Variants in TRPS1 observed in about 807,000 individuals in gnomAD.
The protein encoded by TRPS1 is zinc finger transcription factor Trps1.
TRPS1 carries 6 observed loss-of-function variants against 101.2 expected under a neutral mutation model. That is an observed-to-expected ratio of 0.06 (90% confidence interval 0.03 to 0.12). The LOEUF is 0.12. TRPS1 is among the 10% of genes least tolerant of loss of function. TRPS1 has a pLI of 1.00. For synonymous variants in TRPS1, 578 were observed against 589.8 expected (o/e 0.98, Z 0.29); for missense variants, 1,363 against 1,567.0 (o/e 0.87, Z 2.20).
chr8:115,431,954 C>A (rs1388252568), intron 5 of TRPS1, among the ~76,000 whole-genome samples: 1 of 151,634 alleles, frequency 6.6e-6, no homozygotes, highest in East Asian at 1.9e-4. Flanking sequence ...ATAGTTAATA[C>A]ACACACAAAC....
chr8:115,446,239 C>A (rs1813731717), intron 5 of TRPS1, among the ~76,000 whole-genome samples: 2 of 151,396 alleles, frequency 1.3e-5, no homozygotes, highest in African/African-American at 4.9e-5. Context: ...TTTGAAACAT[C>A]ATCTACATAA....
chr8:115,502,157 CT>C (rs1051854707), intron 5 of TRPS1, among the ~76,000 whole-genome samples: 2 of 151,984 alleles, frequency 1.3e-5, no homozygotes, highest in African/African-American at 2.4e-5. Flanking sequence ...TTTGAATCGC[CT>C]TTTTTTCTTA....
At chr8:115,550,797 A>C (rs1260843365) in intron 5 of TRPS1, among the ~76,000 whole-genome samples, 1 of 152,192 alleles carries the variant, frequency 6.6e-6, no homozygotes, top group Non-Finnish European at 1.5e-5. Flanking sequence ...AGTTTAACCA[A>C]CTTTTATTGA....
At chr8:115,519,272 A>C (rs914908470) in intron 5 of TRPS1, among the ~76,000 whole-genome samples, 10 of 151,806 alleles carry the variant, frequency 6.6e-5, no homozygotes, top group Admixed American at 2.6e-4. Context: ...CACATCCTTC[A>C]GATGAATATA....
chr8:115,558,976 G>A (rs1045438646), intron 5 of TRPS1, among the ~76,000 whole-genome samples: 1 of 152,046 alleles, frequency 6.6e-6, no homozygotes, highest in Non-Finnish European at 1.5e-5. Context: ...CAGAATACCC[G>A]TGGTTATCAG....
intron 5 of TRPS1, among the ~76,000 whole-genome samples, chr8:115,535,236 C>CATATATAGAAT (rs1816266720): frequency 8.4e-6 from 1 of 118,544 alleles, no homozygotes; most frequent in Non-Finnish European, 1.7e-5. Context: ...ATATATATAG[C>CATATATAGAAT]ATATATAGCA....
intron 4 of TRPS1, among the ~76,000 whole-genome samples, chr8:115,602,142 C>T (rs1198256997): frequency 2.6e-5 from 4 of 151,760 alleles, no homozygotes; most frequent in Non-Finnish European, 5.9e-5. Context: ...AGAATGAGTG[C>T]GTGTGCGTGT....
chr8:115,531,127 A>C (rs1234873601), intron 5 of TRPS1, among the ~76,000 whole-genome samples: 9 of 152,194 alleles, frequency 5.9e-5, no homozygotes. Context: ...ATGTCAGAAC[A>C]AAGAGGTCTC....
intron 1 of TRPS1, among the ~76,000 whole-genome samples, chr8:115,640,580 G>T (rs934736803): frequency 6.6e-6 from 1 of 152,174 alleles, no homozygotes; most frequent in Non-Finnish European, 1.5e-5. Flanking sequence ...ATATGAACAC[G>T]CATAAAACAG....
intron 5 of TRPS1, chr8:115,515,084 G>A: frequency 1.7e-6 from 1 of 588,916 alleles, no homozygotes; most frequent in East Asian, 2.8e-5. Context: ...GGACTCAAGA[G>A]AAATGAAGTA....
chr8:115,488,530 C>T (rs193118365), intron 5 of TRPS1, among the ~76,000 whole-genome samples: 129 of 152,210 alleles, frequency 8.5e-4, no homozygotes, highest in African/African-American at 3.0e-3. Context: ...AAAAAATTAG[C>T]TGGGCGTGGT....
At chr8:115,527,309 A>T (rs1816023012) in intron 5 of TRPS1, among the ~76,000 whole-genome samples, 1 of 152,104 alleles carries the variant, frequency 6.6e-6, no homozygotes, top group African/African-American at 2.4e-5. Flanking sequence ...TTAGGTGAGT[A>T]CATTACCTGC....
In TRPS1 at chr8:115,411,351, C is replaced by CA. The variant is rs2129730218; in HGVS notation, c.*2671dup. On this transcript the variant is annotated 3_prime_UTR_variant, in exon 7 of 7. Coordinates refer to ENST00000395715, the MANE Select transcript of TRPS1 (RefSeq NM_014112.5). ...AAATAAAGAACCTATTTGTGTCCGACACACTAGAGAAATTGCTTAATGAGT... is the reference window on the plus strand; with the variant it reads ...AAATAAAGAACCTATTTGTGTCCGACAACACTAGAGAAATTGCTTAATGAGT... The CA allele has an allele frequency of 6.6e-6, 1 of 152,368 alleles. No homozygotes were observed. Among genetic ancestry groups the CA allele is most frequent in the South Asian group, 2.1e-4 (1 of 4,826 alleles). 9.4% of individuals were successfully genotyped at this position (152,368 alleles called of 1,614,324 possible). A position where few individuals can be genotyped will look rare whatever the true frequency, so the allele number is the denominator to read the frequency against.
chr8:115,588,575 AAAG>A (rs1413786065), intron 4 of TRPS1, among the ~76,000 whole-genome samples: 2 of 152,250 alleles, frequency 1.3e-5, no homozygotes, highest in Non-Finnish European at 2.9e-5. Flanking sequence ...TTTGATTAAA[AAAG>A]AAGAACAGAA....
intron 5 of TRPS1, among the ~76,000 whole-genome samples, chr8:115,527,583 C>T (rs1359074646): frequency 6.6e-6 from 1 of 151,966 alleles, no homozygotes; most frequent in African/African-American, 2.4e-5. Context: ...CACTTTTTCA[C>T]TTTGTTTCTA....
intron 5 of TRPS1, among the ~76,000 whole-genome samples, chr8:115,431,069 A>ATTACTATG: frequency 6.6e-6 from 1 of 152,164 alleles, no homozygotes; most frequent in Non-Finnish European, 1.5e-5. Flanking sequence ...ACTTATTTTT[A>ATTACTATG]TTACTATGTT....
At chr8:115,466,189 A>T (rs1182418454) in intron 5 of TRPS1, among the ~76,000 whole-genome samples, 4 of 152,192 alleles carry the variant, frequency 2.6e-5, no homozygotes, top group Non-Finnish European at 5.9e-5. Context: ...GCTTAACTTA[A>T]AACAATTTTT....
intron 5 of TRPS1, among the ~76,000 whole-genome samples, chr8:115,437,142 A>G (rs574900496): frequency 6.6e-6 from 1 of 152,298 alleles, no homozygotes; most frequent in African/African-American, 2.4e-5. Context: ...TTCTCATGTA[A>G]CTGTTTTGAC....
At chr8:115,468,301 C>T (rs567136753) in intron 5 of TRPS1, among the ~76,000 whole-genome samples, 8 of 152,062 alleles carry the variant, frequency 5.3e-5, no homozygotes, top group Non-Finnish European at 7.4e-5. Flanking sequence ...TTTACATAAA[C>T]GGGATATTTG....
Sources: gnomAD v4.1 joint callset for allele counts (sites outside exome capture counted in the v4.1 genomes callset) on GRCh38, gnomAD v4.1.1 for gene constraint, MANE v1.5 for transcripts, NCBI Gene and HGNC (gene_info 2026-07-23, HGNC 2026-07-21) for gene names.